Variants in GRAMD2B observed in about 807,000 individuals in gnomAD.
The protein encoded by GRAMD2B is GRAM domain-containing protein 2B.
Under a neutral mutation model 59.2 loss-of-function variants are expected in GRAMD2B, and 41 were observed. That is an observed-to-expected ratio of 0.69 (90% CI 0.54 to 0.90). The LOEUF (loss-of-function observed/expected upper bound fraction) is 0.90. Among genes scored for constraint, GRAMD2B ranks in the 40% least tolerant of loss-of-function variants. The pLI, the probability that GRAMD2B is intolerant of heterozygous loss-of-function variation, is 0.00. For missense variants in GRAMD2B, 424 were observed against 500.5 expected, an observed-to-expected ratio of 0.85 and a Z score of 1.46; for synonymous variants, 161 against 182.7, an observed-to-expected ratio of 0.88 and a Z score of 0.96.
At chr5:126,461,002 AT>A (rs201971963) in intron 1 of GRAMD2B, among the ~76,000 whole-genome samples, 1 of 152,072 alleles carries the variant, frequency 6.6e-6, no homozygotes, top group Non-Finnish European at 1.5e-5. Flanking sequence ...AAGCTTAGTG[AT>A]TTTTTTTATG....
intron 1 of GRAMD2B, among the ~76,000 whole-genome samples, chr5:126,464,028 C>CA (rs796785312): frequency 0.015 from 1,733 of 118,878 alleles, 28 homozygotes; most frequent in African/African-American, 0.044. Flanking sequence ...AACTCCATCT[C>CA]AAAAAAAAAA....
intron 1 of GRAMD2B, among the ~76,000 whole-genome samples, chr5:126,402,711 G>T (rs2149741757): frequency 6.6e-6 from 1 of 152,082 alleles, no homozygotes. Context: ...ATCTCACTTT[G>T]TGGGAATAGT....
At chr5:126,361,780 C>CA (rs1433390455) in intron 1 of GRAMD2B, among the ~76,000 whole-genome samples, 11 of 152,236 alleles carry the variant, frequency 7.2e-5, no homozygotes, top group Middle Eastern at 3.4e-3. Context: ...TCTAATTTAC[C>CA]AAAAATCTCA....
In GRAMD2B at chr5:126,454,403, C is replaced by A. The variant is rs115384225; in HGVS notation, c.84-11023C>A. Among the ~76,000 whole-genome samples the A allele has an allele frequency of 3.7e-3, 565 of 152,254 alleles. 7 individuals carry two copies. Among genetic ancestry groups the A allele is most frequent in the African/African-American group, 0.013 (542 of 41,550 alleles). ...AAATCACTGCAGCTGCACCCACTGT[C>A]CACTGTTGACTTTGTCTTAAAGCAG... On this transcript the variant is annotated intron_variant, in intron 1 of 13. Transcript: ENST00000285689.
chr5:126,426,525 T>TATTA (rs1314331030), intron 1 of GRAMD2B, among the ~76,000 whole-genome samples: 1 of 152,222 alleles, frequency 6.6e-6, no homozygotes, highest in Non-Finnish European at 1.5e-5. Context: ...TGTTAACATA[T>TATTA]ATTAATTCAC....
At chr5:126,414,619 T>G (rs1759105139) in intron 1 of GRAMD2B, among the ~76,000 whole-genome samples, 2 of 152,222 alleles carry the variant, frequency 1.3e-5, no homozygotes, top group African/African-American at 4.8e-5. Context: ...CATGCCACCA[T>G]GCTTGGCTAA....
rs1321419150 is a variant in GRAMD2B, at chr5:126,493,022, C to T, written c.*66C>T. The T allele has an allele frequency of 7.3e-6, 10 of 1,361,926 alleles. No homozygotes were observed. The highest frequency in any genetic ancestry group is 1.2e-5 in the South Asian group (1 of 84,256). The allele number at this position is 1,361,926 out of a possible 1,614,324, so 84.4% of individuals were successfully genotyped here. ...CCTTTGAAGAAGGTGCTTCCTGAGG[C>T]GTTTTGTTTGAGTGCACCCTGCTGG... On this transcript the variant is annotated 3_prime_UTR_variant, in exon 14 of 14. Transcript: ENST00000285689.
upstream of GRAMD2B, among the ~76,000 whole-genome samples, chr5:126,419,563 C>T (rs1242439988): frequency 2.6e-5 from 4 of 152,114 alleles, no homozygotes; most frequent in African/African-American, 9.7e-5. Context: ...ACTCAAGTCT[C>T]CAAACACATT....
At chr5:126,397,786 T>G (rs1212699735) in intron 1 of GRAMD2B, among the ~76,000 whole-genome samples, 2 of 152,140 alleles carry the variant, frequency 1.3e-5, no homozygotes, top group African/African-American at 4.8e-5. Context: ...TAGTTGAAAA[T>G]TTTTGTATCT....
At chr5:126,408,063 C>G (rs1758414277) in intron 1 of GRAMD2B, among the ~76,000 whole-genome samples, 1 of 151,966 alleles carries the variant, frequency 6.6e-6, no homozygotes, top group Non-Finnish European at 1.5e-5. Flanking sequence ...AGGTCCTGAG[C>G]ATAGTCCCCA....
chr5:126,377,426 A>G (rs890424112), intron 1 of GRAMD2B, among the ~76,000 whole-genome samples: 3 of 152,144 alleles, frequency 2.0e-5, no homozygotes, highest in African/African-American at 7.2e-5. Context: ...TGGGAGGGCC[A>G]CTGGTAAGGT....
chr5:126,382,968 G>A (rs568822556), intron 1 of GRAMD2B, among the ~76,000 whole-genome samples: 3 of 152,168 alleles, frequency 2.0e-5, no homozygotes, highest in South Asian at 2.1e-4. Flanking sequence ...TTCTCTTCAC[G>A]GATGTAGCCA....
chr5:126,473,208 G>A (rs903862184), intron 4 of GRAMD2B, 57 bp from the exon 5 acceptor site: 10 of 625,240 alleles, frequency 1.6e-5, no homozygotes, highest in African/African-American at 9.5e-5. Flanking sequence ...ATATATACAC[G>A]GTTTTTATTT....
chr5:126,423,270 A>G (rs947698861), upstream of GRAMD2B: 93 of 1,146,370 alleles, frequency 8.1e-5, no homozygotes, highest in African/African-American at 6.1e-4. Flanking sequence ...TGCTTGGCCA[A>G]TTAGCTTCCT....
intron 1 of GRAMD2B, among the ~76,000 whole-genome samples, chr5:126,424,390 CTAACCCTTCTGAGCT>C (rs1328429681): frequency 6.6e-6 from 1 of 152,156 alleles, no homozygotes; most frequent in Non-Finnish European, 1.5e-5. Flanking sequence ...ATTTTAGACA[CTAACCCTTCTGAGCT>C]CTAAAACTCT....
chr5:126,396,552 C>T (rs1757379462), intron 1 of GRAMD2B, among the ~76,000 whole-genome samples: 1 of 152,118 alleles, frequency 6.6e-6, no homozygotes. Context: ...TGTATATGTA[C>T]CACATTTTCT....
intron 11 of GRAMD2B, among the ~76,000 whole-genome samples, chr5:126,486,070 T>G (rs1449632592): frequency 6.6e-6 from 1 of 152,206 alleles, no homozygotes; most frequent in Non-Finnish European, 1.5e-5. Flanking sequence ...ACCTTATTTT[T>G]TTAATTGACA....
At chr5:126,408,315 A>G (rs1580827280) in intron 1 of GRAMD2B, among the ~76,000 whole-genome samples, 1 of 151,990 alleles carries the variant, frequency 6.6e-6, no homozygotes. Flanking sequence ...ATTCTATGGT[A>G]TATATGTGCC....
intron 1 of GRAMD2B, among the ~76,000 whole-genome samples, chr5:126,439,059 T>G (rs1043796934): frequency 6.6e-6 from 1 of 152,120 alleles, no homozygotes; most frequent in Non-Finnish European, 1.5e-5. Context: ...CCACGAGGGA[T>G]TATGTGAAAT....
Sources: allele counts gnomAD v4.1 joint callset (sites outside exome capture counted in the v4.1 genomes callset), GRCh38; gene constraint gnomAD v4.1.1; transcripts MANE v1.5; gene names NCBI Gene and HGNC (gene_info 2026-07-23, HGNC 2026-07-21).